PCDH7: variants seen among roughly 807,000 people sequenced by gnomAD.
PCDH7 encodes protocadherin 7, also known as protocadherin-7.
Under a neutral mutation model 58.9 loss-of-function variants are expected in PCDH7, and 17 were observed. The observed-to-expected ratio is 0.29, with a 90% CI of 0.20 to 0.43. The LOEUF is 0.43. Among genes scored for constraint, PCDH7 ranks in the 20% least tolerant of loss-of-function variants. The probability of loss-of-function intolerance (pLI) is 1.00; values close to 1 mark genes in which losing one functional copy is unlikely to be tolerated. For synonymous variants in PCDH7, 664 were observed against 616.4 expected, an observed-to-expected ratio of 1.08 and a Z score of -1.14; for missense variants, 1,274 against 1,441.0, an observed-to-expected ratio of 0.88 and a Z score of 1.88.
intron 1 of PCDH7, among the ~76,000 whole-genome samples, chr4:30,806,866 A>C (rs1726282107): frequency 6.6e-6 from 1 of 152,022 alleles, no homozygotes; most frequent in African/African-American, 2.4e-5. Flanking sequence ...GAAAACAATA[A>C]AAGAATCTAT....
chr4:31,052,312 C>T (rs1397193812), intron 3 of PCDH7, among the ~76,000 whole-genome samples: 1 of 152,094 alleles, frequency 6.6e-6, no homozygotes, highest in East Asian at 1.9e-4. Flanking sequence ...TAACATCAAA[C>T]TTTAAGTAGT....
chr4:30,849,290 A>G (rs193267033), intron 1 of PCDH7, among the ~76,000 whole-genome samples: 2 of 152,264 alleles, frequency 1.3e-5, no homozygotes, highest in East Asian at 3.9e-4. Flanking sequence ...GTGAGAAAAC[A>G]TGTTAGCTCA....
At chr4:31,090,029 C>T (rs1713024089) in intron 3 of PCDH7, among the ~76,000 whole-genome samples, 1 of 152,012 alleles carries the variant, frequency 6.6e-6, no homozygotes, top group Non-Finnish European at 1.5e-5. Context: ...ATGTCGTGTA[C>T]ATAGGCAAAC....
chr4:30,797,415 G>A (rs968234914), intron 1 of PCDH7, among the ~76,000 whole-genome samples: 10 of 152,058 alleles, frequency 6.6e-5, no homozygotes, highest in Middle Eastern at 3.4e-3. Flanking sequence ...TGGGACTACA[G>A]GCGCCCGCCA....
At chr4:30,882,560 C>T (rs183463649) in intron 1 of PCDH7, among the ~76,000 whole-genome samples, 18 of 152,222 alleles carry the variant, frequency 1.2e-4, no homozygotes, top group Admixed American at 1.2e-3. Context: ...ACTGAGCATG[C>T]TTTTCTAGTG....
At chr4:31,043,698 T>C (rs1477453663) in intron 3 of PCDH7, among the ~76,000 whole-genome samples, 1 of 152,196 alleles carries the variant, frequency 6.6e-6, no homozygotes, top group Non-Finnish European at 1.5e-5. Flanking sequence ...TAGACATTTG[T>C]CAGATGGATA....
intron 1 of PCDH7, among the ~76,000 whole-genome samples, chr4:30,741,984 A>G (rs867386661): frequency 2.0e-5 from 3 of 152,194 alleles, no homozygotes; most frequent in Non-Finnish European, 4.4e-5. Context: ...TGTGTCTATT[A>G]TTATCATTCT....
intron 2 of PCDH7, among the ~76,000 whole-genome samples, chr4:30,941,394 T>A (rs577352229): frequency 2.6e-5 from 4 of 152,090 alleles, no homozygotes; most frequent in African/African-American, 9.6e-5. Context: ...TGGTTTTGTA[T>A]AGCTTCCGCT....
At chr4:30,909,050 C>A (rs976356715) in intron 1 of PCDH7, among the ~76,000 whole-genome samples, 2 of 151,968 alleles carry the variant, frequency 1.3e-5, no homozygotes, top group Non-Finnish European at 2.9e-5. Context: ...AAACATAGTC[C>A]ATCAGATAAA....
At chr4:31,132,936 A>T (rs1029704522) in intron 3 of PCDH7, among the ~76,000 whole-genome samples, 1 of 152,192 alleles carries the variant, frequency 6.6e-6, no homozygotes, top group East Asian at 1.9e-4. Flanking sequence ...ATTTAAACAG[A>T]ATCTTGCAGA....
At chr4:30,865,387 T>C (rs6817736) in intron 1 of PCDH7, among the ~76,000 whole-genome samples, 10,612 of 152,086 alleles carry the variant, frequency 0.07, 493 homozygotes, top group East Asian at 0.14. Context: ...GTGGGGCAGA[T>C]CCAAAAATGA....
intron 1 of PCDH7, chr4:30,724,830 G>C (rs1012721693): frequency 7.4e-7 from 1 of 1,352,268 alleles, no homozygotes; most frequent in African/African-American, 1.5e-5. Flanking sequence ...GAAGTATTCA[G>C]AGTAGGCAGT....
intron 3 of PCDH7, among the ~76,000 whole-genome samples, chr4:30,985,031 A>C (rs1203188214): frequency 6.6e-6 from 1 of 152,026 alleles, no homozygotes; most frequent in Non-Finnish European, 1.5e-5. Flanking sequence ...CAGTGACGTG[A>C]CCTCCGCTCA....
intron 3 of PCDH7, among the ~76,000 whole-genome samples, chr4:31,015,312 C>T (rs1753518909): frequency 6.6e-6 from 1 of 152,100 alleles, no homozygotes; most frequent in Non-Finnish European, 1.5e-5. Context: ...GATGAAATGC[C>T]AAGTCCATGA....
chr4:31,060,872 G>C (rs1177189704), intron 3 of PCDH7, among the ~76,000 whole-genome samples: 2 of 151,612 alleles, frequency 1.3e-5, no homozygotes, highest in Non-Finnish European at 3.0e-5. Flanking sequence ...TCTGTAGTGA[G>C]CACATAACAT....
At chr4:30,725,120 G>C in intron 1 of PCDH7, 1 of 999,476 alleles carries the variant, frequency 1.0e-6, no homozygotes, top group Non-Finnish European at 1.2e-6. Context: ...CTAAGTCTGA[G>C]ATATTGAAAT....
At chr4:30,977,351 A>T (rs1049118282) in intron 3 of PCDH7, among the ~76,000 whole-genome samples, 5 of 152,100 alleles carry the variant, frequency 3.3e-5, no homozygotes, top group Non-Finnish European at 5.9e-5. Flanking sequence ...CCCCCAGATA[A>T]TTTGGCCCAT....
At chr4:30,887,673 G>C (rs1738005641) in intron 1 of PCDH7, among the ~76,000 whole-genome samples, 1 of 152,056 alleles carries the variant, frequency 6.6e-6, no homozygotes, top group African/African-American at 2.4e-5. Context: ...TGATTTATTA[G>C]TTTAGGTATG....
At chr4:31,141,606 T>C (rs1375485477) in intron 3 of PCDH7, among the ~76,000 whole-genome samples, 1 of 152,230 alleles carries the variant, frequency 6.6e-6, no homozygotes, top group African/African-American at 2.4e-5. Context: ...TTTAATCTTG[T>C]TTCCTAAGAA....
Sources: allele counts gnomAD v4.1 joint callset (sites outside exome capture counted in the v4.1 genomes callset), GRCh38; gene constraint gnomAD v4.1.1; transcripts MANE v1.5; gene names NCBI Gene and HGNC (gene_info 2026-07-23, HGNC 2026-07-21).